Variants in ASB1 observed in about 807,000 individuals in gnomAD.
ASB1 encodes ankyrin repeat and SOCS box containing 1, also known as ankyrin repeat and SOCS box protein 1.
Under a neutral mutation model 27.7 loss-of-function variants are expected in ASB1, and 18 were observed. The ratio of observed to expected loss-of-function variants is 0.65; its 90% confidence interval spans 0.45 to 0.96. The LOEUF is 0.96. Among genes scored for constraint, ASB1 ranks in the 50% least tolerant of loss-of-function variants. ASB1 has a pLI of 0.00. For synonymous variants in ASB1, 189 were observed against 187.6 expected (o/e 1.01, Z -0.06); for missense variants, 397 against 451.7 (o/e 0.88, Z 1.10).
chr2:238,427,085 C>T lies in ASB1; in HGVS notation c.15C>T (p.Gly5=), dbSNP rs1701769744. Residue 5 remains glycine, a synonymous_variant, in exon 1 of 5, where the codon GGC becomes GGT. Coordinates refer to ENST00000264607, the MANE Select transcript of ASB1 (RefSeq NM_001040445.3). MAEG[G]SPDGRAGPGS... ...CGGAAGCATCCATGGCGGAGGGCGG[C>T]AGCCCAGACGGGCGGGCAGGGCCGG... 2.4e-6 allele frequency: 3 copies of T among 1,263,448 alleles called. No individual in the cohort carries two copies. The highest frequency in any genetic ancestry group is 3.0e-6 in the Non-Finnish European group (3 of 1,005,550). 78.3% of individuals were successfully genotyped at this position (1,263,448 alleles called of 1,614,324 possible).
At chr2:238,430,196 C>T (rs1037286570) in intron 1 of ASB1, among the ~76,000 whole-genome samples, 20 of 152,182 alleles carry the variant, frequency 1.3e-4, no homozygotes, top group African/African-American at 3.6e-4. Context: ...TAGCATGAGA[C>T]GTTGTTTGAT....
intron 1 of ASB1, among the ~76,000 whole-genome samples, chr2:238,431,728 G>C (rs1252016654): frequency 6.6e-6 from 1 of 151,164 alleles, no homozygotes; most frequent in East Asian, 1.9e-4. Flanking sequence ...TTGTGTCTGG[G>C]GAACAGGGAG....
chr2:238,444,257 T>G (rs1173104693), intron 3 of ASB1, 85 bp from the exon 4 acceptor site: 1 of 1,476,590 alleles, frequency 6.8e-7, no homozygotes, highest in Non-Finnish European at 9.2e-7. Context: ...CTGCTCAGGG[T>G]GGCTGTGGGA....
intron 1 of ASB1, among the ~76,000 whole-genome samples, chr2:238,431,435 A>G (rs949297848): frequency 7.2e-5 from 11 of 152,232 alleles, no homozygotes; most frequent in African/African-American, 2.2e-4. Flanking sequence ...CAGACTACTC[A>G]GATTTCCTCT....
rs1701820852 is a variant in ASB1 at position 238,429,220 on chromosome 2, C to T, written c.49+2101C>T. ...AATGTCAGCATCTGGAAAGAGCCCC[C>T]TTATGGAGGGGGTGCTTTATACCTG... On this transcript the variant is annotated intron_variant, in intron 1 of 4. Transcript: ENST00000264607. Among the ~76,000 whole-genome samples the T allele has an allele frequency of 2.0e-5, 3 of 152,150 alleles. No homozygotes were observed. The South Asian group carries it at 6.2e-4, about 32-fold the overall frequency.
intron 1 of ASB1, among the ~76,000 whole-genome samples, chr2:238,429,104 G>T (rs892470296): frequency 1.3e-5 from 2 of 152,168 alleles, no homozygotes; most frequent in Admixed American, 1.3e-4. Context: ...ACCCTGCAGA[G>T]CCGGGACACT....
At chr2:238,445,285 A>C (rs1276611440) in intron 4 of ASB1, among the ~76,000 whole-genome samples, 3 of 152,060 alleles carry the variant, frequency 2.0e-5, no homozygotes, top group Non-Finnish European at 4.4e-5. Flanking sequence ...GCCTAGAGTT[A>C]TATTCTCTTT....
Position 238,433,620 on chromosome 2 carries a change from C to T in ASB1, c.116C>T (p.Thr39Met), listed in dbSNP as rs566697254. The T allele has an allele frequency of 9.3e-6, 15 of 1,614,000 alleles. No homozygotes were observed. The highest frequency in any genetic ancestry group is 4.5e-5 in the East Asian group (2 of 44,896). ...CDHPLEHCED[T>M]RLHDAAYVGD... is the part of the protein sequence containing the mutation. The stretch of plus-strand genomic sequence containing the variant: ...CATCCGCTGGAGCACTGTGAGGACA[C>T]GAGGCTCCATGATGCAGCTTACGTC... Residue 39 changes from threonine (T) to methionine (M), a missense_variant, in exon 2 of 5, where the codon ACG becomes ATG. Coordinates refer to ENST00000264607, the MANE Select transcript of ASB1 (RefSeq NM_001040445.3).
At chr2:238,443,909 C>T (rs1249678564) in intron 3 of ASB1, among the ~76,000 whole-genome samples, 2 of 152,172 alleles carry the variant, frequency 1.3e-5, no homozygotes, top group Admixed American at 1.3e-4. Context: ...CTTAAGGATT[C>T]TCTTTGGCTA....
rs1008434950 is a variant in ASB1 at position 238,449,616 on chromosome 2, A to G, written c.*3105A>G. 1 of 152,250 alleles carries G rather than the reference A, an allele frequency of 6.6e-6. No individual in the cohort carries two copies. The allele number at this position is 152,250 out of a possible 1,614,324, so 9.4% of individuals were successfully genotyped here. Reference sequence around the variant, plus strand: ...AGATAAACCCATCAATATCACCCACATTCTGTGACTCTTTGCATCACTCGT... The same window carrying G: ...AGATAAACCCATCAATATCACCCACGTTCTGTGACTCTTTGCATCACTCGT... On this transcript the variant is annotated 3_prime_UTR_variant, in exon 5 of 5. Transcript: ENST00000264607.
At chr2:238,430,855 A>G (rs1394913937) in intron 1 of ASB1, among the ~76,000 whole-genome samples, 1 of 152,228 alleles carries the variant, frequency 6.6e-6, no homozygotes, top group African/African-American at 2.4e-5. Context: ...TTTGAAAGGA[A>G]TCTTGTGAGC....
Position 238,428,451 on chromosome 2 carries a change from G to A in ASB1, c.49+1332G>A, listed in dbSNP as rs567439333. 1.2e-4 allele frequency among the ~76,000 whole-genome samples: 18 copies of A among 152,214 alleles called. No homozygotes were observed. The East Asian group carries it at 1.4e-3, about 11-fold the overall frequency. ...GATTACAGGTGCTGGCATCATGCCC[G>A]GCTAATTTTTGTATTTTAGTAGAGA... On this transcript the variant is annotated intron_variant, in intron 1 of 4. Coordinates refer to ENST00000264607, the MANE Select transcript of ASB1 (RefSeq NM_001040445.3).
chr2:238,442,443 A>G (rs1440356964), intron 3 of ASB1, among the ~76,000 whole-genome samples: 1 of 152,118 alleles, frequency 6.6e-6, no homozygotes, highest in Admixed American at 6.5e-5. Context: ...AGGGCTATTG[A>G]TCTTTTTCTT....
intron 4 of ASB1, 45 bp downstream of exon 4, chr2:238,444,772 G>C (rs752785006): frequency 1.3e-6 from 2 of 1,529,914 alleles, no homozygotes; most frequent in African/African-American, 2.8e-5. Flanking sequence ...TGGGTTGATT[G>C]AATGAATCAA....
chr2:238,428,957 A>G (rs1701814462), intron 1 of ASB1, among the ~76,000 whole-genome samples: 1 of 152,136 alleles, frequency 6.6e-6, no homozygotes, highest in Non-Finnish European at 1.5e-5. Flanking sequence ...AGTAACCGCA[A>G]CTGTGGAGTA....
At position 238,442,670 on chromosome 2, in the gene ASB1, G is replaced by A. The variant is rs141234262; in HGVS notation, c.495-1672G>A. On this transcript the variant is annotated intron_variant, in intron 3 of 4. Coordinates refer to ENST00000264607, the MANE Select transcript of ASB1 (RefSeq NM_001040445.3). ...GAGGTTTTTTTCTAGTTTTTGCATG[G>A]TTTCATATTTTACGTTTTAAGTTAT... is the stretch of plus-strand genomic sequence containing the variant. Among the ~76,000 whole-genome samples the A allele has an allele frequency of 2.5e-3, 386 of 152,048 alleles. 2 individuals carry two copies. The highest frequency in any genetic ancestry group is 8.8e-3 in the African/African-American group (367 of 41,470).
intron 1 of ASB1, among the ~76,000 whole-genome samples, chr2:238,428,147 C>T (rs537318841): frequency 1.2e-3 from 189 of 152,314 alleles, no homozygotes; most frequent in Non-Finnish European, 2.2e-3. Flanking sequence ...TCAGAGACAG[C>T]CAGGACCTTA....
chr2:238,438,417 G>T lies in ASB1; in HGVS notation c.494+2404G>T, dbSNP rs182308916. 5.0e-4 allele frequency among the ~76,000 whole-genome samples: 76 copies of T among 152,042 alleles called. 2 individuals are homozygous for T. In the South Asian group the frequency reaches 6.4e-3, roughly 13 times the overall value. ...GGGTTTCACCATGTTAGCCAGGATG[G>T]TCTTGATCTCCTGACCTTGTGATCC... On this transcript the variant is annotated intron_variant, in intron 3 of 4. Transcript: ENST00000264607.
intron 2 of ASB1, 100 bp from the exon 3 acceptor site, chr2:238,435,611 A>C (rs548118753): frequency 1.6e-6 from 2 of 1,263,226 alleles, no homozygotes; most frequent in East Asian, 5.0e-5. Flanking sequence ...GTTATTAACC[A>C]GAGGGGGACC....
Sources: gnomAD v4.1 joint callset for allele counts (sites outside exome capture counted in the v4.1 genomes callset) on GRCh38, gnomAD v4.1.1 for gene constraint, MANE v1.5 for transcripts, NCBI Gene and HGNC (gene_info 2026-07-23, HGNC 2026-07-21) for gene names.